GRK3: variants seen among roughly 807,000 people sequenced by gnomAD.
GRK3 encodes adrenergic, beta, receptor kinase 2.
A neutral mutation model predicts 95.7 loss-of-function variants in GRK3; 54 were observed. That is an observed-to-expected ratio of 0.56 (90% CI 0.45 to 0.71). GRK3 has a LOEUF of 0.71. Among genes scored for constraint, GRK3 ranks in the 30% least tolerant of loss-of-function variants. GRK3 has a pLI of 0.00. For missense variants in GRK3, 649 were observed against 851.2 expected, an observed-to-expected ratio of 0.76 and a Z score of 2.96; for synonymous variants, 281 against 290.8, an observed-to-expected ratio of 0.97 and a Z score of 0.34.
intron 2 of GRK3, among the ~76,000 whole-genome samples, chr22:25,620,591 A>G (rs2084577579): frequency 6.6e-6 from 1 of 152,138 alleles, no homozygotes; most frequent in Non-Finnish European, 1.5e-5. Flanking sequence ...CTTTCTTAAT[A>G]ACTCCTACAA....
intron 13 of GRK3, among the ~76,000 whole-genome samples, chr22:25,697,491 G>T (rs1039714229): frequency 2.0e-5 from 3 of 152,208 alleles, no homozygotes; most frequent in African/African-American, 7.2e-5. Flanking sequence ...ACATCCTGAG[G>T]ATGGCCGTGA....
intron 3 of GRK3, among the ~76,000 whole-genome samples, chr22:25,645,651 G>A (rs1283058757): frequency 6.6e-6 from 1 of 152,092 alleles, no homozygotes; most frequent in Non-Finnish European, 1.5e-5. Context: ...GGCCAGGCAC[G>A]GTGGCTCACG....
At chr22:25,670,600 C>T (rs1447254462) in intron 6 of GRK3, among the ~76,000 whole-genome samples, 1 of 151,982 alleles carries the variant, frequency 6.6e-6, no homozygotes, top group African/African-American at 2.4e-5. Flanking sequence ...GCTAATATTA[C>T]CTATAACTCC....
chr22:25,647,479 TG>T, intron 3 of GRK3: 1 of 1,348,970 alleles, frequency 7.4e-7, no homozygotes, highest in Non-Finnish European at 1.1e-6. Context: ...CTTTTGGAGG[TG>T]GGCATCTTCC....
At chr22:25,629,472 C>T (rs979137031) in intron 2 of GRK3, among the ~76,000 whole-genome samples, 3 of 152,234 alleles carry the variant, frequency 2.0e-5, no homozygotes, top group Non-Finnish European at 2.9e-5. Context: ...TTACTAGTTT[C>T]TCCCATCTTT....
At chr22:25,632,476 A>G (rs2084670814) in intron 2 of GRK3, among the ~76,000 whole-genome samples, 1 of 152,198 alleles carries the variant, frequency 6.6e-6, no homozygotes, top group African/African-American at 2.4e-5. Flanking sequence ...TTCTCCAAAT[A>G]TGTGGCATGT....
intron 2 of GRK3, among the ~76,000 whole-genome samples, chr22:25,623,020 C>T (rs1395455296): frequency 2.6e-5 from 4 of 152,222 alleles, no homozygotes; most frequent in African/African-American, 7.2e-5. Flanking sequence ...TGGCTCACTG[C>T]AACCTTTGCC....
At chr22:25,587,075 G>C (rs1257427069) in intron 1 of GRK3, among the ~76,000 whole-genome samples, 1 of 152,064 alleles carries the variant, frequency 6.6e-6, no homozygotes, top group Admixed American at 6.5e-5. Flanking sequence ...GTTTTTAGTA[G>C]AGACAGGGTT....
At chr22:25,672,416 A>G in intron 7 of GRK3, 69 bp downstream of exon 7, 1 of 841,072 alleles carries the variant, frequency 1.2e-6, no homozygotes, top group Non-Finnish European at 1.9e-6. Context: ...TCATGAGAAA[A>G]TACTTGATTC....
intron 3 of GRK3, chr22:25,647,872 A>T (rs2084797384): frequency 1.5e-6 from 1 of 665,684 alleles, no homozygotes; most frequent in African/African-American, 1.8e-5. Context: ...GCACTTTGGG[A>T]GGCCGAGTTG....
chr22:25,650,283 C>T (rs2084820556), intron 3 of GRK3, among the ~76,000 whole-genome samples: 1 of 152,106 alleles, frequency 6.6e-6, no homozygotes, highest in African/African-American at 2.4e-5. Context: ...CCTCGTGATC[C>T]GCCTGCCTTG....
intron 1 of GRK3, among the ~76,000 whole-genome samples, chr22:25,568,186 T>G (rs1410619653): frequency 6.6e-6 from 1 of 152,216 alleles, no homozygotes; most frequent in Non-Finnish European, 1.5e-5. Flanking sequence ...TACATCATGT[T>G]GGAAAAGAAA....
rs758233679 is a variant in GRK3 at position 25,714,424 on chromosome 22, A to G, written c.1508A>G (p.Gln503Arg). ...TKGIKLLDCD[Q>R]ELYKNFPLVI... Reference sequence around the variant, plus strand: ...AATAATCAGCTACTTGATTGCGACCAAGAACTCTACAAGAACTTCCCTTTG... The same window carrying G: ...AATAATCAGCTACTTGATTGCGACCGAGAACTCTACAAGAACTTCCCTTTG... The change falls in exon 18 of 21, where the codon CAA becomes CGA. Residue 503 changes from glutamine to arginine, a missense_variant. Physicochemically the swap from Gln to Arg is conservative, Grantham distance 43. Coordinates refer to ENST00000324198, the MANE Select transcript of GRK3 (RefSeq NM_005160.4). 6.2e-7 allele frequency: 1 copy of G among 1,607,584 alleles called. No homozygotes were observed. The highest frequency in any genetic ancestry group is 8.5e-7 in the Non-Finnish European group (1 of 1,178,418).
rs1180381502 is a variant in GRK3 at position 25,617,735 on chromosome 22, T to C, written c.190+13282T>C. Reference sequence around the variant, plus strand: ...GTCTGATTTATGTGGCTCAGCATAATATTCTTGAGATTCTTCCATATTGTG... The same window carrying C: ...GTCTGATTTATGTGGCTCAGCATAACATTCTTGAGATTCTTCCATATTGTG... On this transcript the variant is annotated intron_variant, in intron 2 of 20. Transcript: ENST00000324198. Among the ~76,000 whole-genome samples, 4 of 152,336 alleles carry C rather than the reference T, an allele frequency of 2.6e-5. No individual in the cohort carries two copies. The East Asian group carries it at 7.7e-4, about 29-fold the overall frequency.
intron 1 of GRK3, among the ~76,000 whole-genome samples, chr22:25,577,476 G>T (rs374882636): frequency 3.3e-5 from 5 of 152,118 alleles, no homozygotes; most frequent in South Asian, 2.1e-4. Flanking sequence ...TGCCTGGCCC[G>T]TAAAGGATTT....
Position 25,722,270 on chromosome 22 carries a change from C to T in GRK3, c.1906-19C>T. On this transcript the variant is annotated intron_variant, in intron 20 of 20. Coordinates refer to ENST00000324198, the MANE Select transcript of GRK3 (RefSeq NM_005160.4). ...ATGGGTGAGCCTGTCACAACGGCTGCCTTTGTATTCCCCCTCAGAGTGATC... is the reference window on the plus strand; with the variant it reads ...ATGGGTGAGCCTGTCACAACGGCTGTCTTTGTATTCCCCCTCAGAGTGATC... The T allele has an allele frequency of 3.1e-6, 5 of 1,610,752 alleles. No individual in the cohort carries two copies. In the South Asian group the frequency reaches 5.5e-5, roughly 18 times the overall value.
intron 1 of GRK3, among the ~76,000 whole-genome samples, chr22:25,588,288 C>A (rs923087030): frequency 6.6e-6 from 1 of 151,886 alleles, no homozygotes; most frequent in Non-Finnish European, 1.5e-5. Flanking sequence ...AGTTATATTG[C>A]AAAGAAAAAG....
intron 18 of GRK3, among the ~76,000 whole-genome samples, chr22:25,716,946 C>T (rs921582210): frequency 7.9e-5 from 12 of 152,158 alleles, no homozygotes; most frequent in Admixed American, 1.3e-4. Flanking sequence ...ATCTAGGTTA[C>T]GTGCTCCTTA....
chr22:25,719,076 G>C (rs936772342), intron 19 of GRK3, among the ~76,000 whole-genome samples: 2 of 152,020 alleles, frequency 1.3e-5, no homozygotes, highest in Non-Finnish European at 1.5e-5. Flanking sequence ...TGTATAATTT[G>C]GACCTGGGCA....
Sources: allele counts gnomAD v4.1 joint callset (sites outside exome capture counted in the v4.1 genomes callset), GRCh38; gene constraint gnomAD v4.1.1; transcripts MANE v1.5; gene names NCBI Gene and HGNC (gene_info 2026-07-23, HGNC 2026-07-21).